MMUT: variants seen among roughly 807,000 people sequenced by gnomAD.
MMUT encodes methylmalonyl-CoA mutase, mitochondrial.
A neutral mutation model predicts 79.9 loss-of-function variants in MMUT; 79 were observed. The ratio of observed to expected loss-of-function variants is 0.99; its 90% confidence interval spans 0.82 to 1.19. The LOEUF is 1.19. Ranked by LOEUF, MMUT falls within the 50% of genes most tolerant of loss-of-function variation. MMUT has a pLI of 0.00. For synonymous variants in MMUT, 273 were observed against 295.7 expected (o/e 0.92, Z 0.79); for missense variants, 860 against 917.2 (o/e 0.94, Z 0.81).
chr6:49,431,539 T>A lies in MMUT; in HGVS notation c.*189A>T, dbSNP rs2127411946. The stretch of plus-strand genomic sequence containing the variant: ...GAGTTTTTAGGGATTTTTTTTTTAT[T>A]TTTGAAGTGAAACTGTATGTACATA... On this transcript the variant is annotated 3_prime_UTR_variant, in exon 13 of 13. Transcript: ENST00000274813. 1.9e-6 allele frequency: 1 copy of A among 518,610 alleles called. No homozygotes were observed. The highest frequency in any genetic ancestry group is 3.4e-5 in the Admixed American group (1 of 29,106). 32.1% of individuals were successfully genotyped at this position (518,610 alleles called of 1,614,324 possible). A position where few individuals can be genotyped will look rare whatever the true frequency, so the allele number is the denominator to read the frequency against.
At chr6:49,440,820 A>G (rs1177066292) in intron 10 of MMUT, among the ~76,000 whole-genome samples, 1 of 152,212 alleles carries the variant, frequency 6.6e-6, no homozygotes, top group Non-Finnish European at 1.5e-5. Context: ...CAGGGTACAG[A>G]GTACAACATG....
chr6:49,431,769 C>A lies in MMUT; in HGVS notation c.2212G>T (p.Asp738Tyr). ...IPKAAVQVLD[D>Y]IEKCLEKKQQ... ...TTCTTTTCCAAACACTTCTCAATAT[C>A]ATCAAGCACCTGAACGGCAGCCTTT... The change falls in exon 13 of 13, where the codon GAT becomes TAT. Residue 738 changes from aspartate to tyrosine, a missense_variant. Transcript: ENST00000274813. 3 of 1,613,964 alleles carry A rather than the reference C, an allele frequency of 1.9e-6. No individual in the cohort carries two copies. The highest frequency in any genetic ancestry group is 2.5e-6 in the Non-Finnish European group (3 of 1,179,920).
chr6:49,446,886 T>C (rs1767423371), intron 8 of MMUT, among the ~76,000 whole-genome samples: 1 of 151,574 alleles, frequency 6.6e-6, no homozygotes, highest in African/African-American at 2.4e-5. Context: ...AAAAAAGCCA[T>C]ACATTAAACA....
intron 12 of MMUT, 92 bp from the exon 13 acceptor site, chr6:49,431,948 C>G: frequency 1.4e-6 from 2 of 1,439,456 alleles, no homozygotes; most frequent in Non-Finnish European, 1.9e-6. Flanking sequence ...ACTCAATTAC[C>G]CAAAACCTTC....
At chr6:49,432,290 A>C (rs1343311274) in intron 12 of MMUT, among the ~76,000 whole-genome samples, 2 of 152,072 alleles carry the variant, frequency 1.3e-5, no homozygotes, top group African/African-American at 4.8e-5. Flanking sequence ...GGCACTTTGA[A>C]TTTGGACAAC....
At chr6:49,449,243 T>C (rs1767489867) in intron 6 of MMUT, among the ~76,000 whole-genome samples, 1 of 152,110 alleles carries the variant, frequency 6.6e-6, no homozygotes, top group Admixed American at 6.5e-5. Context: ...TTACATAAAG[T>C]CTGTAAGAAA....
rs149231541 is a variant in MMUT at position 49,438,509 on chromosome 6, A to C, written c.1956+1697T>G. Among the ~76,000 whole-genome samples the C allele has an allele frequency of 3.7e-3, 557 of 152,320 alleles. 1 individual carries two copies. Among genetic ancestry groups the C allele is most frequent in the African/African-American group, 0.013 (537 of 41,580 alleles). On this transcript the variant is annotated intron_variant, in intron 11 of 12. Transcript: ENST00000274813. ...AATAAGATCTTTGAAAGTAATCTTC[A>C]TAGTTCCAGAGGCATAATCAGTTTT...
intron 6 of MMUT, 144 bp downstream of exon 6, chr6:49,451,322 A>G (rs1051243147): frequency 3.2e-6 from 3 of 950,596 alleles, no homozygotes; most frequent in Non-Finnish European, 4.4e-6. Flanking sequence ...TTTTGCAAAC[A>G]TCGTTTAAAT....
intron 12 of MMUT, among the ~76,000 whole-genome samples, chr6:49,433,541 C>G (rs1174386634): frequency 6.6e-6 from 1 of 152,126 alleles, no homozygotes; most frequent in Non-Finnish European, 1.5e-5. Context: ...AGGGATAGCA[C>G]AGTGCCTGCT....
intron 8 of MMUT, 25 bp downstream of exon 8, chr6:49,447,645 A>G (rs755077525): frequency 1.4e-6 from 2 of 1,443,482 alleles, no homozygotes; most frequent in Non-Finnish European, 9.7e-7. Context: ...ACTTAAAAAA[A>G]AAAAAAAAAG....
intron 8 of MMUT, 35 bp from the exon 9 acceptor site, chr6:49,444,789 T>A (rs761423398): frequency 2.0e-6 from 3 of 1,510,890 alleles, no homozygotes; most frequent in Non-Finnish European, 2.8e-6. Context: ...ACAATTTACA[T>A]GAAGAGAGAA....
intron 2 of MMUT, among the ~76,000 whole-genome samples, chr6:49,458,330 C>T (rs778219783): frequency 6.6e-6 from 1 of 152,074 alleles, no homozygotes. Context: ...TCAATCATCT[C>T]GTATCTATCT....
chr6:49,448,667 TATAG>T (rs1346282444), intron 7 of MMUT, 145 bp downstream of exon 7: 12 of 664,816 alleles, frequency 1.8e-5, no homozygotes, highest in South Asian at 1.2e-4. Context: ...AAAATACATA[TATAG>T]ATAGATACAA....
At chr6:49,461,201 C>T (rs1482743914) in intron 1 of MMUT, among the ~76,000 whole-genome samples, 1 of 152,106 alleles carries the variant, frequency 6.6e-6, no homozygotes, top group East Asian at 1.9e-4. Context: ...ACAACAGGAG[C>T]AAGAGAGGGG....
intron 10 of MMUT, among the ~76,000 whole-genome samples, chr6:49,441,048 T>C (rs2127414949): frequency 6.6e-6 from 1 of 152,336 alleles, no homozygotes. Context: ...GCACTTATCT[T>C]TGTTAAAAGA....
At position 49,457,741 on chromosome 6, in the gene MMUT, G is replaced by C; in HGVS notation, c.703C>G (p.Pro235Ala). The C allele has an allele frequency of 6.2e-7, 1 of 1,612,314 alleles. No individual in the cohort carries two copies. The highest frequency in any genetic ancestry group is 1.3e-5 in the African/African-American group (1 of 74,936). The change falls in exon 3 of 13, where the codon CCA becomes GCA. Residue 235 changes from proline (P) to alanine (A), a missense_variant. Coordinates refer to ENST00000274813, the MANE Select transcript of MMUT (RefSeq NM_000255.4). ...GCAATAATTTTCATGGATGGTTCTG[G>C]AGGAAAAATGTATGTATTTCGAACC... Reference protein sequence around the residue: ...FMVRNTYIFPPEPSMKIIADI... With the variant: ...FMVRNTYIFPAEPSMKIIADI...
In MMUT at chr6:49,459,335, A is replaced by G; in HGVS notation, c.132T>C (p.Ala44=). The G allele has an allele frequency of 6.2e-7, 1 of 1,614,128 alleles. No homozygotes were observed. Among genetic ancestry groups the G allele is most frequent in the Non-Finnish European group, 8.5e-7 (1 of 1,180,028 alleles). ...HQQQPLHPEW[A]ALAKKQLKGK... ...CTTTCAGCTGCTTTTTAGCCAGGGC[A>G]GCCCATTCTGGGTGAAGGGGCTGTT... is the stretch of plus-strand genomic sequence containing the variant. The change falls in exon 2 of 13, where the codon GCT becomes GCC. Residue 44 remains alanine, a synonymous_variant. Transcript: ENST00000274813.
intron 11 of MMUT, among the ~76,000 whole-genome samples, chr6:49,439,041 G>C (rs1581820651): frequency 6.6e-6 from 1 of 152,220 alleles, no homozygotes; most frequent in African/African-American, 2.4e-5. Flanking sequence ...AGAGAAGGCA[G>C]GGTGGCAGGA....
intron 1 of MMUT, among the ~76,000 whole-genome samples, chr6:49,461,315 A>ATG: frequency 6.6e-6 from 1 of 152,300 alleles, no homozygotes; most frequent in East Asian, 1.9e-4. Flanking sequence ...GTTTCTGTAA[A>ATG]TATATGTATA....
Sources: gnomAD v4.1 joint callset for allele counts (sites outside exome capture counted in the v4.1 genomes callset) on GRCh38, gnomAD v4.1.1 for gene constraint, MANE v1.5 for transcripts, NCBI Gene and HGNC (gene_info 2026-07-23, HGNC 2026-07-21) for gene names.